DNAJC3: variants seen among roughly 807,000 people sequenced by gnomAD.
The protein encoded by DNAJC3 is dnaJ homolog subfamily C member 3.
In DNAJC3, 38 loss-of-function variants were observed where a neutral mutation model predicts 68.6. That is an observed-to-expected ratio of 0.55 (90% CI 0.43 to 0.73). The LOEUF is 0.73. Ranked by LOEUF, DNAJC3 falls within the 30% of genes least tolerant of loss-of-function variation. DNAJC3 has a pLI of 0.00. For synonymous variants in DNAJC3, 203 were observed against 204.0 expected (o/e 1.00, Z 0.04); for missense variants, 526 against 591.9 (o/e 0.89, Z 1.16).
At chr13:95,784,703 G>A (rs17882543) in intron 9 of DNAJC3, among the ~76,000 whole-genome samples, 1,732 of 152,272 alleles carry the variant, frequency 0.011, 34 homozygotes, top group African/African-American at 0.04. Context: ...CTTCCCAAAC[G>A]TCAGCAGTAA....
intron 2 of DNAJC3, among the ~76,000 whole-genome samples, chr13:95,722,830 C>G (rs1881373739): frequency 4.8e-5 from 2 of 42,054 alleles, no homozygotes; most frequent in Non-Finnish European, 1.4e-4. Context: ...CCCCCCCCCC[C>G]CCCCCCCCCG....
chr13:95,764,381 A>G (rs201678817), intron 9 of DNAJC3, among the ~76,000 whole-genome samples: 1 of 140,302 alleles, frequency 7.1e-6, no homozygotes, highest in Non-Finnish European at 1.6e-5. Flanking sequence ...CTCTCTATAT[A>G]TATATATATA....
chr13:95,767,990 C>A (rs1566508525), intron 9 of DNAJC3, among the ~76,000 whole-genome samples: 1 of 152,092 alleles, frequency 6.6e-6, no homozygotes, highest in Admixed American at 6.5e-5. Context: ...CAGGCGTGAG[C>A]TACACTGCTC....
intron 7 of DNAJC3, among the ~76,000 whole-genome samples, chr13:95,763,074 G>A (rs1047980018): frequency 2.0e-5 from 3 of 152,144 alleles, no homozygotes; most frequent in Non-Finnish European, 4.4e-5. Context: ...TATATAACAG[G>A]ATTAGTACTT....
chr13:95,707,285 G>GACTGGT (rs1720615966), intron 1 of DNAJC3, among the ~76,000 whole-genome samples: 1 of 152,148 alleles, frequency 6.6e-6, no homozygotes, highest in Non-Finnish European at 1.5e-5. Context: ...ACAGGCCATG[G>GACTGGT]ACTGGTACTG....
intron 10 of DNAJC3, 144 bp from the exon 11 acceptor site, chr13:95,786,863 A>T: frequency 1.1e-6 from 1 of 916,928 alleles, no homozygotes; most frequent in Non-Finnish European, 1.6e-6. Flanking sequence ...GTGTATGCAG[A>T]TCTTTGGCCT....
chr13:95,723,179 G>C, intron 2 of DNAJC3, 63 bp from the exon 3 acceptor site: 1 of 1,446,532 alleles, frequency 6.9e-7, no homozygotes, highest in Non-Finnish European at 9.3e-7. Context: ...CAGGTGATTT[G>C]TTTTTTTTTA....
intron 4 of DNAJC3, among the ~76,000 whole-genome samples, chr13:95,736,573 T>C (rs1432077147): frequency 3.3e-5 from 5 of 150,800 alleles, no homozygotes; most frequent in African/African-American, 9.8e-5. Context: ...TATTTTATTC[T>C]CTTTGAAGCA....
chr13:95,678,452 T>G (rs1879826902), intron 1 of DNAJC3, among the ~76,000 whole-genome samples: 1 of 152,144 alleles, frequency 6.6e-6, no homozygotes, highest in Non-Finnish European at 1.5e-5. Context: ...GGTAACCATA[T>G]TTTTTGAACC....
At chr13:95,721,873 A>G (rs929805931) in intron 2 of DNAJC3, among the ~76,000 whole-genome samples, 1 of 152,168 alleles carries the variant, frequency 6.6e-6, no homozygotes, top group African/African-American at 2.4e-5. Context: ...GTTCACAACC[A>G]TAATTTTGAA....
intron 4 of DNAJC3, among the ~76,000 whole-genome samples, chr13:95,735,925 G>A (rs1219074235): frequency 2.0e-5 from 3 of 152,128 alleles, no homozygotes; most frequent in Non-Finnish European, 4.4e-5. Context: ...GTAATGCCTA[G>A]GTTTTCTTCT....
At chr13:95,776,002 T>G (rs536610868) in intron 9 of DNAJC3, among the ~76,000 whole-genome samples, 1 of 151,916 alleles carries the variant, frequency 6.6e-6, no homozygotes, top group Admixed American at 6.5e-5. Flanking sequence ...TATATATATA[T>G]ACTTTTTTTT....
At chr13:95,781,767 G>A (rs563009687) in intron 9 of DNAJC3, among the ~76,000 whole-genome samples, 7 of 151,358 alleles carry the variant, frequency 4.6e-5, no homozygotes, top group African/African-American at 4.8e-5. Flanking sequence ...ATTTTTCATA[G>A]CTGTTCAGTA....
rs368944894 is a variant in DNAJC3 at position 95,738,952 on chromosome 13, C to T, written c.393+13700C>T. 2.5e-3 allele frequency among the ~76,000 whole-genome samples: 374 copies of T among 151,774 alleles called. 3 individuals carry two copies. The highest frequency in any genetic ancestry group is 3.5e-3 in the Non-Finnish European group (239 of 67,894). ...TTTACATTTTGGCATGATTTTGCAG[C>T]GGCTGGTACTGGTTGTTCCTTTCCA... On this transcript the variant is annotated intron_variant, in intron 4 of 11. Transcript: ENST00000602402.
At chr13:95,779,345 C>G (rs555185109) in intron 9 of DNAJC3, among the ~76,000 whole-genome samples, 13 of 152,078 alleles carry the variant, frequency 8.5e-5, no homozygotes, top group East Asian at 1.9e-4. Context: ...AGGATGGTCT[C>G]GATCTCCTGA....
chr13:95,743,477 A>G lies in DNAJC3; in HGVS notation c.394-14167A>G, dbSNP rs1468432594. On this transcript the variant is annotated intron_variant, in intron 4 of 11. Transcript: ENST00000602402. ...ACCACTGTTATTACCTTCTTAAGTT[A>G]GGTTTTCAGTTTAAGTTAGGTTGTA... Among the ~76,000 whole-genome samples the G allele has an allele frequency of 2.0e-5, 3 of 152,182 alleles. 1 individual carries two copies. Among genetic ancestry groups the G allele is most frequent in the South Asian group, 4.1e-4 (2 of 4,838 alleles).
rs769906318 is a variant in DNAJC3, at chr13:95,760,135, G to A, written c.642G>A (p.Ala214=). 1.4e-5 allele frequency: 22 copies of A among 1,612,790 alleles called. No individual in the cohort carries two copies. Among genetic ancestry groups the A allele is most frequent in the East Asian group, 2.2e-5 (1 of 44,848 alleles). ...AAGCTATAAGTGACTTAAAAGCTGC[G>A]TCAAAGTTGAAGAATGATAATACTG... The part of the protein sequence containing the change: ...PRKAISDLKA[A]SKLKNDNTEA... Residue 214 remains alanine, a synonymous_variant, in exon 6 of 12, where the codon GCG becomes GCA. Transcript: ENST00000602402.
At chr13:95,745,375 G>T (rs376606840) in intron 4 of DNAJC3, 1 of 152,158 alleles carries the variant, frequency 6.6e-6, no homozygotes, top group African/African-American at 2.4e-5. Context: ...TCTCACACAC[G>T]TCTATCGTAA....
At chr13:95,678,708 C>T (rs1207252122) in intron 1 of DNAJC3, among the ~76,000 whole-genome samples, 1 of 151,966 alleles carries the variant, frequency 6.6e-6, no homozygotes, top group Non-Finnish European at 1.5e-5. Context: ...AGAAAGTTGC[C>T]TATGTTCTGT....
Sources: allele counts gnomAD v4.1 joint callset (sites outside exome capture counted in the v4.1 genomes callset), GRCh38; gene constraint gnomAD v4.1.1; transcripts MANE v1.5; gene names NCBI Gene and HGNC (gene_info 2026-07-23, HGNC 2026-07-21).